PDCL2: variants seen among roughly 807,000 people sequenced by gnomAD.
The protein encoded by PDCL2 is phosducin-like protein 2.
PDCL2 carries 23 observed loss-of-function variants against 30.3 expected under a neutral mutation model. The observed-to-expected ratio is 0.76, with a 90% CI of 0.55 to 1.08. PDCL2 has a LOEUF of 1.08. PDCL2 is among the 50% of genes least tolerant of loss of function. PDCL2 has a pLI of 0.00. For missense variants in PDCL2, 243 were observed against 282.3 expected, an observed-to-expected ratio of 0.86 and a Z score of 1.00; for synonymous variants, 68 against 86.2, an observed-to-expected ratio of 0.79 and a Z score of 1.17.
chr4:55,567,043 T>G (rs1732286322), intron 4 of PDCL2, among the ~76,000 whole-genome samples: 1 of 152,210 alleles, frequency 6.6e-6, no homozygotes, highest in African/African-American at 2.4e-5. Flanking sequence ...CTTCAGTATA[T>G]AATATTTACC....
intron 3 of PDCL2, among the ~76,000 whole-genome samples, chr4:55,570,660 A>G (rs979686770): frequency 3.8e-5 from 5 of 132,310 alleles, no homozygotes; most frequent in African/African-American, 1.3e-4. Flanking sequence ...TGAGCATTCA[A>G]TAAATGTTGC....
chr4:55,568,713 C>G (rs1732332466), intron 4 of PDCL2, among the ~76,000 whole-genome samples: 1 of 152,088 alleles, frequency 6.6e-6, no homozygotes, highest in Non-Finnish European at 1.5e-5. Flanking sequence ...GAAACAGACA[C>G]AAGAAAAATA....
intron 4 of PDCL2, among the ~76,000 whole-genome samples, chr4:55,568,620 G>A (rs73819649): frequency 1.3e-5 from 2 of 152,106 alleles, no homozygotes; most frequent in African/African-American, 2.4e-5. Context: ...GTAGAAGAAC[G>A]TTCTTGAAGG....
At chr4:55,582,040 CTA>C in intron 2 of PDCL2, 75 bp downstream of exon 2, 1 of 1,560,810 alleles carries the variant, frequency 6.4e-7, no homozygotes, top group Non-Finnish European at 8.7e-7. Context: ...CTCTCTCCCA[CTA>C]TGTTCATGAA....
intron 5 of PDCL2, 37 bp from the exon 6 acceptor site, chr4:55,556,748 GA>G (rs1461110322): frequency 5.6e-6 from 8 of 1,432,498 alleles, no homozygotes; most frequent in African/African-American, 1.5e-5. Flanking sequence ...TAAAAATCTT[GA>G]AAAAATGAAT....
intron 4 of PDCL2, among the ~76,000 whole-genome samples, chr4:55,564,173 T>C (rs1732203684): frequency 6.6e-6 from 1 of 152,238 alleles, no homozygotes; most frequent in South Asian, 2.1e-4. Context: ...AATTTTATAA[T>C]TTTCATTAGA....
At chr4:55,560,676 A>G (rs2110152123) in intron 5 of PDCL2, among the ~76,000 whole-genome samples, 1 of 152,270 alleles carries the variant, frequency 6.6e-6, no homozygotes, top group Non-Finnish European at 1.5e-5. Flanking sequence ...GGTAATTACT[A>G]TGGTCTTGAA....
intron 4 of PDCL2, among the ~76,000 whole-genome samples, chr4:55,565,985 T>TTG (rs1732257168): frequency 7.4e-6 from 1 of 134,398 alleles, no homozygotes; most frequent in African/African-American, 3.0e-5. Context: ...TTTTTTTTTT[T>TTG]TTTTTTTTTT....
At position 55,582,167 on chromosome 4, in the gene PDCL2, G is replaced by C. The variant is rs1310427426; in HGVS notation, c.77C>G (p.Ser26Ter). 6.2e-7 allele frequency: 1 copy of C among 1,612,662 alleles called. No homozygotes were observed. The highest frequency in any genetic ancestry group is 8.5e-7 in the Non-Finnish European group (1 of 1,179,414). ...AACCATTTCTTCAATTTCATCTTTT[G>C]ACTCTTCTTTAGGAGGAAGAATGCC... ...DFGILPPKEE[S>*]KDEIEEMVLR... is the part of the protein sequence containing the mutation. The change falls in exon 2 of 6, where the codon TCA becomes TGA. Residue 26 changes from serine to a stop codon, truncating the protein, a stop_gained. Transcript: ENST00000295645. LOFTEE classifies it high-confidence loss of function.
At position 55,569,725 on chromosome 4, in the gene PDCL2, T is replaced by C. The variant is rs1343938402; in HGVS notation, c.355A>G (p.Arg119Gly). 1.3e-6 allele frequency: 2 copies of C among 1,535,100 alleles called. No homozygotes were observed. The highest frequency in any genetic ancestry group is 4.3e-5 in the Admixed American group (2 of 46,988). ...AAATATTATGGTAATTACCTTGATC[T>C]GTATAGATGAATTATAACCCACACA... is the stretch of plus-strand genomic sequence containing the variant. The part of the protein sequence containing the change: ...EDVWVIIHLY[R>G]SSIPMCLLVN... Residue 119 changes from arginine (R) to glycine (G), a missense_variant, in exon 4 of 6, where the codon AGA (arginine) becomes GGA (glycine). Physicochemically the swap from Arg to Gly is moderately radical, Grantham distance 125 (BLOSUM62 -2). Transcript: ENST00000295645.
At chr4:55,585,370 A>C (rs1400922629) in intron 1 of PDCL2, among the ~76,000 whole-genome samples, 1 of 152,138 alleles carries the variant, frequency 6.6e-6, no homozygotes, top group Non-Finnish European at 1.5e-5. Flanking sequence ...TCTACTAAAA[A>C]TACAAAAATT....
intron 5 of PDCL2, among the ~76,000 whole-genome samples, chr4:55,559,619 A>G (rs536748713): frequency 6.6e-6 from 1 of 152,360 alleles, no homozygotes; most frequent in East Asian, 1.9e-4. Flanking sequence ...AATTAAAAAT[A>G]GAATTACCAT....
intron 4 of PDCL2, among the ~76,000 whole-genome samples, chr4:55,563,822 G>C (rs1347901622): frequency 1.3e-5 from 2 of 152,188 alleles, no homozygotes; most frequent in Admixed American, 1.3e-4. Context: ...GGCCTGGATA[G>C]CAAAAGTGGT....
In PDCL2 at chr4:55,579,507, G is replaced by A. The variant is rs377708445; in HGVS notation, c.218+1314C>T. Among the ~76,000 whole-genome samples the A allele has an allele frequency of 8.6e-5, 13 of 152,000 alleles. No homozygotes were observed. In the East Asian group the frequency reaches 1.9e-3, roughly 23 times the overall value. Reference sequence around the variant, plus strand: ...CAACGCCTGGCTAATTTAAAGACACGGGTTTCATCATGTTTGCCAGGCTGG... The same window carrying A: ...CAACGCCTGGCTAATTTAAAGACACAGGTTTCATCATGTTTGCCAGGCTGG... On this transcript the variant is annotated intron_variant, in intron 3 of 5. Coordinates refer to ENST00000295645, the MANE Select transcript of PDCL2 (RefSeq NM_152401.3).
At chr4:55,565,984 T>TG (rs1411050425) in intron 4 of PDCL2, among the ~76,000 whole-genome samples, 2 of 134,674 alleles carry the variant, frequency 1.5e-5, no homozygotes, top group East Asian at 2.1e-4. Flanking sequence ...TTTTTTTTTT[T>TG]TTTTTTTTTT....
intron 1 of PDCL2, among the ~76,000 whole-genome samples, chr4:55,583,753 C>A (rs547166270): frequency 6.6e-6 from 1 of 152,230 alleles, no homozygotes; most frequent in African/African-American, 2.4e-5. Flanking sequence ...TTTTTGAGTT[C>A]TCCATTGGTC....
chr4:55,582,125 T>C lies in PDCL2; in HGVS notation c.119A>G (p.Glu40Gly). ...CAAATCTACGACCATACCCATTGCT[T>C]CTTTCTGTAAACGTAAAACCATTTC... ...IEEMVLRLQK[E>G]AMVKPFEKMT... is the part of the protein sequence containing the mutation. The change falls in exon 2 of 6, where the codon GAA becomes GGA. Residue 40 changes from glutamate (E) to glycine (G), a missense_variant. Glu to Gly is a moderately conservative substitution (Grantham distance 98). Coordinates refer to ENST00000295645, the MANE Select transcript of PDCL2 (RefSeq NM_152401.3). 1 of 1,613,022 alleles carries C rather than the reference T, an allele frequency of 6.2e-7. No individual in the cohort carries two copies. Among genetic ancestry groups the C allele is most frequent in the Non-Finnish European group, 8.5e-7 (1 of 1,179,686 alleles).
At chr4:55,563,855 A>G (rs1390897826) in intron 4 of PDCL2, among the ~76,000 whole-genome samples, 3 of 152,214 alleles carry the variant, frequency 2.0e-5, no homozygotes, top group African/African-American at 7.2e-5. Context: ...ATGAAACCTT[A>G]CAGGTAGCAG....
At chr4:55,579,727 T>G (rs370946101) in intron 3 of PDCL2, among the ~76,000 whole-genome samples, 61 of 151,008 alleles carry the variant, frequency 4.0e-4, no homozygotes, top group African/African-American at 1.5e-3. Context: ...GACAGGGTCT[T>G]ACTATGTTGA....
Sources: gnomAD v4.1 joint callset for allele counts (sites outside exome capture counted in the v4.1 genomes callset) on GRCh38, gnomAD v4.1.1 for gene constraint, MANE v1.5 for transcripts, NCBI Gene and HGNC (gene_info 2026-07-23, HGNC 2026-07-21) for gene names.